The following ITGB1 variants were observed in gnomAD, a reference collection of about 807,000 sequenced individuals.
ITGB1 encodes integrin beta-1.
In ITGB1, 24 loss-of-function variants were observed where a neutral mutation model predicts 86.5. The ratio of observed to expected loss-of-function variants is 0.28; its 90% CI spans 0.20 to 0.39. ITGB1 has a LOEUF of 0.39. Ranked by LOEUF, ITGB1 falls within the 10% of genes least tolerant of loss-of-function variation. The pLI is 1.00. For missense variants in ITGB1, 556 were observed against 946.9 expected (o/e 0.59, Z 5.42); for synonymous variants, 323 against 316.8 (o/e 1.02, Z -0.21).
Position 32,952,644 on chromosome 10 carries a change from A to C in ITGB1, c.-1+5501T>G, listed in dbSNP as rs926923951. ...ATTTATACAGAAAAATGTGACTTCC[A>C]TACTCCAAATGGTACATACCTAATT... On this transcript the variant is annotated intron_variant, in intron 1 of 15. Coordinates refer to ENST00000302278, the MANE Select transcript of ITGB1 (RefSeq NM_002211.4). Among the ~76,000 whole-genome samples the C allele has an allele frequency of 3.9e-5, 6 of 152,218 alleles. No homozygotes were observed. In the East Asian group the frequency reaches 1.2e-3, roughly 29 times the overall value.
intron 13 of ITGB1, among the ~76,000 whole-genome samples, chr10:32,910,838 C>T (rs2094911125): frequency 6.6e-6 from 1 of 151,994 alleles, no homozygotes; most frequent in Non-Finnish European, 1.5e-5. Context: ...CTCTGCCTCT[C>T]GGGTTCAAGC....
intron 6 of ITGB1, among the ~76,000 whole-genome samples, chr10:32,924,804 G>C (rs758112621): frequency 2.6e-5 from 4 of 152,160 alleles, no homozygotes; most frequent in Non-Finnish European, 4.4e-5. Context: ...GTGAAAAGTC[G>C]AAAGTAATAA....
intron 1 of ITGB1, 177 bp downstream of exon 1, chr10:32,957,968 G>C (rs2095056288): frequency 6.6e-6 from 1 of 150,934 alleles, no homozygotes; most frequent in Non-Finnish European, 1.5e-5. Context: ...GACTAGCCTG[G>C]AATCCTGCCC....
chr10:32,912,145 T>C (rs1337900067), intron 11 of ITGB1, 21 bp from the exon 12 acceptor site: 1 of 1,594,786 alleles, frequency 6.3e-7, no homozygotes, highest in African/African-American at 1.3e-5. Flanking sequence ...ATGCCAAAAT[T>C]GCAATCACAC....
intron 13 of ITGB1, among the ~76,000 whole-genome samples, chr10:32,910,773 G>C (rs529049928): frequency 1.5e-4 from 23 of 151,458 alleles, no homozygotes; most frequent in Non-Finnish European, 3.1e-4. Flanking sequence ...TTTTGCGATG[G>C]AGTCTTGTTC....
chr10:32,923,937 C>T (rs564617574), intron 6 of ITGB1, among the ~76,000 whole-genome samples, 197 bp from the exon 7 acceptor site: 2 of 152,212 alleles, frequency 1.3e-5, no homozygotes, highest in African/African-American at 4.8e-5. Context: ...CCATGTACAA[C>T]GATATCTTGC....
At chr10:32,945,833 A>G (rs1027322329) in intron 1 of ITGB1, among the ~76,000 whole-genome samples, 1 of 152,214 alleles carries the variant, frequency 6.6e-6, no homozygotes, top group Non-Finnish European at 1.5e-5. Flanking sequence ...TAAATATATA[A>G]GCTAACCATA....
chr10:32,955,723 A>G (rs2095050995), intron 1 of ITGB1: 1 of 152,242 alleles, frequency 6.6e-6, no homozygotes, highest in South Asian at 2.1e-4. Flanking sequence ...ACACCAATGT[A>G]GAGCTACATT....
chr10:32,957,975 G>C (rs1196217796), intron 1 of ITGB1, 170 bp downstream of exon 1: 1 of 150,016 alleles, frequency 6.7e-6, no homozygotes, highest in African/African-American at 2.5e-5. Context: ...CTGGAATCCT[G>C]CCCCAGCCCC....
intron 3 of ITGB1, 58 bp downstream of exon 3, chr10:32,932,457 C>A (rs1485932801): frequency 1.1e-6 from 1 of 923,334 alleles, no homozygotes; most frequent in South Asian, 1.3e-5. Flanking sequence ...GGATACAGCA[C>A]TGAGCCACAC....
chr10:32,929,319 A>G (rs1036773534), intron 4 of ITGB1, among the ~76,000 whole-genome samples: 5 of 152,110 alleles, frequency 3.3e-5, no homozygotes, highest in African/African-American at 1.2e-4. Flanking sequence ...GCCGGGAGGG[A>G]AGTCAGGGGA....
intron 11 of ITGB1, among the ~76,000 whole-genome samples, chr10:32,917,851 C>T (rs1210344163): frequency 6.6e-6 from 1 of 152,176 alleles, no homozygotes; most frequent in African/African-American, 2.4e-5. Flanking sequence ...TGGGTATATA[C>T]CCAAAGAATT....
intron 5 of ITGB1, 45 bp downstream of exon 5, chr10:32,928,049 C>G: frequency 8.9e-7 from 1 of 1,124,082 alleles, no homozygotes; most frequent in Non-Finnish European, 1.3e-6. Flanking sequence ...TTGAGAATTG[C>G]CAAGACTTTA....
chr10:32,916,508 T>C (rs918667277), intron 11 of ITGB1, among the ~76,000 whole-genome samples: 8 of 152,114 alleles, frequency 5.3e-5, no homozygotes, highest in Non-Finnish European at 7.3e-5. Flanking sequence ...GATACAAAAA[T>C]CAATGTGCAA....
At chr10:32,929,728 G>A (rs1288831790) in intron 4 of ITGB1, 94 bp downstream of exon 4, 8 of 746,592 alleles carry the variant, frequency 1.1e-5, no homozygotes, top group Admixed American at 2.2e-5. Flanking sequence ...ATGTAAAAAC[G>A]AGCCTTCAAC....
chr10:32,903,351 CAAAAAAAAAAA>C lies in ITGB1; in HGVS notation c.2332-1727_2332-1717del, dbSNP rs35559257. 5.4e-4 allele frequency among the ~76,000 whole-genome samples: 31 copies of C among 57,030 alleles called. No homozygotes were observed. The South Asian group carries it at 9.1e-3, about 17-fold the overall frequency. The allele number at this position is 57,030 out of a possible 152,430, so 37.4% of individuals were successfully genotyped here. On this transcript the variant is annotated intron_variant, in intron 15 of 15. Transcript: ENST00000302278. ...TGGGCGAAAGAGCAAGACTCCATCT[CAAAAAAAAAAA>C]AAAAAAAAAAAGAGGAAAAAAAAGA...
chr10:32,912,859 C>T (rs189453852), intron 11 of ITGB1, among the ~76,000 whole-genome samples: 310 of 152,290 alleles, frequency 2.0e-3, no homozygotes, highest in Middle Eastern at 0.01. Context: ...GGACAGACTG[C>T]CTCCTCAAGT....
chr10:32,912,206 T>A, intron 11 of ITGB1, 82 bp from the exon 12 acceptor site: 1 of 1,063,250 alleles, frequency 9.4e-7, no homozygotes, highest in Non-Finnish European at 1.4e-6. Context: ...GGAACAGCTC[T>A]AGTCTACAGC....
chr10:32,951,888 G>C (rs148429845), intron 1 of ITGB1: 32 of 152,290 alleles, frequency 2.1e-4, no homozygotes, highest in African/African-American at 7.7e-4. Flanking sequence ...AAGCACCTGA[G>C]AGCAAGACTT....
Sources: allele counts gnomAD v4.1 joint callset (sites outside exome capture counted in the v4.1 genomes callset), GRCh38; gene constraint gnomAD v4.1.1; transcripts MANE v1.5; gene names NCBI Gene and HGNC (gene_info 2026-07-23, HGNC 2026-07-21).